Variants in CAMTA1 observed in about 807,000 individuals in gnomAD.
CAMTA1 encodes the protein calmodulin-binding transcription activator 1.
A neutral mutation model predicts 170.9 loss-of-function variants in CAMTA1; 27 were observed. That is an observed-to-expected ratio of 0.16 (90% confidence interval 0.12 to 0.22). CAMTA1 has a LOEUF of 0.22. Among genes scored for constraint, CAMTA1 ranks in the 10% least tolerant of loss-of-function variants. The probability of loss-of-function intolerance (pLI) is 1.00; values close to 1 mark genes in which losing one functional copy is unlikely to be tolerated. For missense variants in CAMTA1, 1,619 were observed against 2,217.2 expected (o/e 0.73, Z 5.42); for synonymous variants, 833 against 891.5 (o/e 0.93, Z 1.17).
At chr1:7,544,921 A>T (rs1408357281) in intron 6 of CAMTA1, among the ~76,000 whole-genome samples, 2 of 152,176 alleles carry the variant, frequency 1.3e-5, no homozygotes, top group African/African-American at 4.8e-5. Flanking sequence ...TCGGGAGAGA[A>T]CTAATCTGTT....
chr1:6,954,360 C>A (rs529525859), intron 3 of CAMTA1, among the ~76,000 whole-genome samples: 1 of 152,254 alleles, frequency 6.6e-6, no homozygotes, highest in African/African-American at 2.4e-5. Context: ...TCCTATTGCT[C>A]GAGCTGTTGG....
At chr1:7,464,737 G>T (rs2093170374) in intron 5 of CAMTA1, among the ~76,000 whole-genome samples, 1 of 152,128 alleles carries the variant, frequency 6.6e-6, no homozygotes, top group African/African-American at 2.4e-5. Flanking sequence ...ACTGATGAGG[G>T]TGCACACTCA....
chr1:7,601,084 C>T (rs1021262383), intron 6 of CAMTA1, among the ~76,000 whole-genome samples: 11 of 151,764 alleles, frequency 7.2e-5, no homozygotes, highest in East Asian at 1.9e-4. Flanking sequence ...CCTCACCTCC[C>T]GGAAGGGGCG....
At chr1:7,199,808 T>C (rs904606025) in intron 4 of CAMTA1, among the ~76,000 whole-genome samples, 5 of 152,112 alleles carry the variant, frequency 3.3e-5, no homozygotes, top group Admixed American at 1.3e-4. Context: ...ATTCTAGATA[T>C]ACAAAAAGAT....
rs550104590 is a variant in CAMTA1 at position 6,939,205 on chromosome 1, C to T, written c.234+113995C>T. ...GAGGTCAAGGAGATGGACATGTCATCACTAGTTCAGCAGGGGAACTGCGGG... is the reference window on the plus strand; with the variant it reads ...GAGGTCAAGGAGATGGACATGTCATTACTAGTTCAGCAGGGGAACTGCGGG... On this transcript the variant is annotated intron_variant, in intron 3 of 22. Coordinates refer to ENST00000303635, the MANE Select transcript of CAMTA1 (RefSeq NM_015215.4). Among the ~76,000 whole-genome samples, 5 of 152,304 alleles carry T rather than the reference C, an allele frequency of 3.3e-5. No homozygotes were observed. The East Asian group carries it at 9.6e-4, about 29-fold the overall frequency.
chr1:7,565,195 G>T lies in CAMTA1; in HGVS notation c.511-75205G>T, dbSNP rs533696206. ...TTGCCAGCCGATCACTGGGGCAGAA[G>T]GTGGGATCTCCATCTGTCCCTCCTC... is the stretch of plus-strand genomic sequence containing the variant. On this transcript the variant is annotated intron_variant, in intron 6 of 22. Transcript: ENST00000303635. The surrounding 1 kb of genome is among the most constrained non-coding windows in gnomAD (Gnocchi z 4.5). Among the ~76,000 whole-genome samples the T allele has an allele frequency of 6.6e-6, 1 of 152,142 alleles. No homozygotes were observed. The highest frequency in any genetic ancestry group is 1.5e-5 in the Non-Finnish European group (1 of 68,000).
At chr1:6,901,910 G>A (rs1024144856) in intron 3 of CAMTA1, among the ~76,000 whole-genome samples, 1 of 151,972 alleles carries the variant, frequency 6.6e-6, no homozygotes, top group Non-Finnish European at 1.5e-5. Flanking sequence ...GCCGGGCATG[G>A]TGGTGGGCCC....
intron 6 of CAMTA1, among the ~76,000 whole-genome samples, chr1:7,630,841 G>A (rs114399414): frequency 0.011 from 1,693 of 152,342 alleles, 35 homozygotes; most frequent in African/African-American, 0.039. Context: ...ACACTCGGCC[G>A]CAGTGGGAGA....
intron 5 of CAMTA1, among the ~76,000 whole-genome samples, chr1:7,437,528 C>T (rs1045065101): frequency 6.6e-6 from 1 of 152,166 alleles, no homozygotes; most frequent in African/African-American, 2.4e-5. Flanking sequence ...CAGGGCCCAC[C>T]GACTCATCTG....
chr1:6,881,502 A>G (rs773239097), intron 3 of CAMTA1, among the ~76,000 whole-genome samples: 1 of 152,146 alleles, frequency 6.6e-6, no homozygotes, highest in African/African-American at 2.4e-5. Flanking sequence ...AGCCAGGAGA[A>G]TGACAAGGAG....
intron 4 of CAMTA1, among the ~76,000 whole-genome samples, chr1:7,160,238 C>CA (rs1283262693): frequency 2.0e-5 from 3 of 151,944 alleles, no homozygotes; most frequent in Non-Finnish European, 4.4e-5. Context: ...AACTCCATCT[C>CA]AAAAAAATAA....
At chr1:7,020,754 T>C (rs1290805072) in intron 3 of CAMTA1, among the ~76,000 whole-genome samples, 1 of 152,134 alleles carries the variant, frequency 6.6e-6, no homozygotes, top group East Asian at 1.9e-4. Context: ...GGAAGGACCA[T>C]GATCAGAGAC....
chr1:7,667,224 A>G (rs1268502464), intron 9 of CAMTA1, among the ~76,000 whole-genome samples: 1 of 152,018 alleles, frequency 6.6e-6, no homozygotes, highest in Non-Finnish European at 1.5e-5. Context: ...TCTGAGCTCA[A>G]TGGCACCTTC....
chr1:7,735,716 C>CT (rs1324898203), intron 12 of CAMTA1, among the ~76,000 whole-genome samples: 6 of 152,122 alleles, frequency 3.9e-5, no homozygotes, highest in African/African-American at 1.2e-4. Flanking sequence ...TGAGCTGAAG[C>CT]TAAGCACATT....
intron 3 of CAMTA1, among the ~76,000 whole-genome samples, chr1:7,026,390 G>C (rs1702024772): frequency 6.6e-6 from 1 of 152,106 alleles, no homozygotes; most frequent in Non-Finnish European, 1.5e-5. Flanking sequence ...GTGTGATTCA[G>C]AATGTATTGT....
intron 4 of CAMTA1, among the ~76,000 whole-genome samples, chr1:7,227,954 A>G (rs1662018771): frequency 6.9e-6 from 1 of 144,346 alleles, no homozygotes; most frequent in South Asian, 2.1e-4. Context: ...TTGTCCCTCA[A>G]ACCTGCCAAA....
At chr1:7,571,699 C>T (rs747712475) in intron 6 of CAMTA1, among the ~76,000 whole-genome samples, 35 of 152,108 alleles carry the variant, frequency 2.3e-4, no homozygotes, top group Non-Finnish European at 3.5e-4. Flanking sequence ...TAGTATTCCA[C>T]GGTGCATATG....
At chr1:6,871,669 G>A in intron 3 of CAMTA1, 1 of 1,137,522 alleles carries the variant, frequency 8.8e-7, no homozygotes, top group Non-Finnish European at 1.3e-6. Context: ...GAATGATGGG[G>A]TTCAGTTACA....
At chr1:7,500,775 A>G (rs1171340009) in intron 6 of CAMTA1, among the ~76,000 whole-genome samples, 1 of 152,024 alleles carries the variant, frequency 6.6e-6, no homozygotes, top group Non-Finnish European at 1.5e-5. Flanking sequence ...GGGTGGCTTC[A>G]GAGAGAAGGG....
Sources: allele counts gnomAD v4.1 joint callset (sites outside exome capture counted in the v4.1 genomes callset), GRCh38; gene constraint gnomAD v4.1.1; non-coding constraint Gnocchi (gnomAD v3.1); transcripts MANE v1.5; gene names NCBI Gene and HGNC (gene_info 2026-07-23, HGNC 2026-07-21).